The following RBFOX1 variants were observed in gnomAD, a reference collection of about 807,000 sequenced individuals.
RBFOX1 encodes RNA binding fox-1 homolog 1, also known as RNA binding protein fox-1 homolog 1.
RBFOX1 carries 8 observed loss-of-function variants against 57.7 expected under a neutral mutation model. That is an observed-to-expected ratio of 0.14 (90% CI 0.08 to 0.25). RBFOX1 has a LOEUF of 0.25. Among genes scored for constraint, RBFOX1 ranks in the 10% least tolerant of loss-of-function variants. The pLI, the probability that RBFOX1 is intolerant of heterozygous loss-of-function variation, is 1.00. For missense variants in RBFOX1, 611 were observed against 548.5 expected, an observed-to-expected ratio of 1.11 and a Z score of -1.14; for synonymous variants, 326 against 222.4, an observed-to-expected ratio of 1.47 and a Z score of -4.15.
rs190315043 is a variant in RBFOX1, at chr16:7,697,455, G to C, written c.996-11601G>C. ...TGAGGGCTTTGCTGAACTCTCCAAG[G>C]TGTAATAGTAACTTACTGTCATTTA... On this transcript the variant is annotated intron_variant, in intron 14 of 15. Coordinates refer to ENST00000550418, the MANE Select transcript of RBFOX1 (RefSeq NM_018723.4). 2.0e-5 allele frequency among the ~76,000 whole-genome samples: 3 copies of C among 152,042 alleles called. No individual in the cohort carries two copies. In the South Asian group the frequency reaches 6.2e-4, roughly 32 times the overall value.
At chr16:7,550,045 T>C (rs2152539378) in intron 5 of RBFOX1, among the ~76,000 whole-genome samples, 1 of 152,262 alleles carries the variant, frequency 6.6e-6, no homozygotes, top group East Asian at 1.9e-4. Context: ...TTGTCCCACC[T>C]CAGCCTCCCT....
At chr16:7,164,021 A>G (rs906210836) in intron 4 of RBFOX1, among the ~76,000 whole-genome samples, 1 of 152,132 alleles carries the variant, frequency 6.6e-6, no homozygotes, top group African/African-American at 2.4e-5. Flanking sequence ...GGTTACACGA[A>G]TAAGTTCTTT....
chr16:7,212,127 T>G (rs1012798311), intron 4 of RBFOX1, among the ~76,000 whole-genome samples: 23 of 151,932 alleles, frequency 1.5e-4, no homozygotes, highest in Non-Finnish European at 3.1e-4. Flanking sequence ...GGAAGGAAGG[T>G]GGATAGGATT....
intron 4 of RBFOX1, chr16:7,510,456 T>G: frequency 1.5e-6 from 1 of 655,660 alleles, no homozygotes; most frequent in Non-Finnish European, 1.9e-6. Flanking sequence ...AGAGGAGTTT[T>G]GGTGAAGAGA....
intron 4 of RBFOX1, among the ~76,000 whole-genome samples, chr16:7,075,626 G>C (rs1451768654): frequency 1.3e-5 from 2 of 151,956 alleles, no homozygotes; most frequent in Admixed American, 1.3e-4. Context: ...TGTTGCGCAG[G>C]CTGGAGTGCA....
intron 4 of RBFOX1, among the ~76,000 whole-genome samples, chr16:7,105,318 T>C (rs11644310): frequency 0.06 from 9,130 of 151,414 alleles, 487 homozygotes; most frequent in East Asian, 0.25. Flanking sequence ...GCTTCACCTA[T>C]TTTCTTTTTT....
chr16:6,643,658 C>G (rs550640508), intron 2 of RBFOX1, among the ~76,000 whole-genome samples: 1 of 152,096 alleles, frequency 6.6e-6, no homozygotes. Flanking sequence ...AAATACATAG[C>G]TCGTAGACCA....
At chr16:7,245,888 T>C (rs1464617363) in intron 4 of RBFOX1, among the ~76,000 whole-genome samples, 1 of 152,188 alleles carries the variant, frequency 6.6e-6, no homozygotes, top group African/African-American at 2.4e-5. Context: ...CCCTACAGTC[T>C]TGCAAATAGA....
chr16:7,654,017 T>G (rs1392437876), intron 12 of RBFOX1, 70 bp downstream of exon 12: 1 of 1,424,682 alleles, frequency 7.0e-7, no homozygotes, highest in Non-Finnish European at 9.2e-7. Flanking sequence ...CGGAGCTGTT[T>G]GCGAGCGCAT....
At chr16:6,525,802 G>C (rs1358426697) in intron 2 of RBFOX1, among the ~76,000 whole-genome samples, 1 of 152,036 alleles carries the variant, frequency 6.6e-6, no homozygotes, top group Non-Finnish European at 1.5e-5. Context: ...ATTCATGAGA[G>C]CTTTTCTCCC....
chr16:7,518,437 C>G, intron 5 of RBFOX1, 48 bp downstream of exon 5: 1 of 1,559,786 alleles, frequency 6.4e-7, no homozygotes, highest in African/African-American at 1.3e-5. Context: ...GGAGGCGCCC[C>G]CAGCCCTGGT....
chr16:6,136,177 T>C (rs1477402893), intron 1 of RBFOX1, among the ~76,000 whole-genome samples: 1 of 152,112 alleles, frequency 6.6e-6, no homozygotes, highest in East Asian at 1.9e-4. Flanking sequence ...TTAGAGGAAG[T>C]CTTCTGAAAG....
At chr16:6,873,310 C>T (rs2061275139) in intron 3 of RBFOX1, among the ~76,000 whole-genome samples, 1 of 152,022 alleles carries the variant, frequency 6.6e-6, no homozygotes, top group South Asian at 2.1e-4. Flanking sequence ...CCTTGAGCTT[C>T]CTTATGTTGG....
Position 6,000,885 on chromosome 16 carries a change from ATAGG to A in RBFOX1, c.351+133560_351+133563del, listed in dbSNP as rs367913767. Among the ~76,000 whole-genome samples, 576 of 86,774 alleles carry A rather than the reference ATAGG, an allele frequency of 6.6e-3. 5 individuals carry two copies. The highest frequency in any genetic ancestry group is 0.026 in the African/African-American group (557 of 21,824). The allele number at this position is 86,774 out of a possible 152,430, so 56.9% of individuals were successfully genotyped here. On this transcript the variant is annotated intron_variant, in intron 4 of 19. Transcript: ENST00000641259. ...GGTGGGTGGATGAATGGGTGGGTGG[ATAGG>A]TAGGTAGGTGGGTGGGTGGGCGGGT...
rs540493812 is a variant in RBFOX1, at chr16:6,671,904, C to G, written c.-16+17254C>G. On this transcript the variant is annotated intron_variant, in intron 3 of 15. Transcript: ENST00000550418. The stretch of plus-strand genomic sequence containing the variant: ...TTTACATTCACACTGCCTTTTCACA[C>G]GCCAAGTTGCCTTTAAAAACTGTTG... 3.9e-5 allele frequency among the ~76,000 whole-genome samples: 6 copies of G among 152,280 alleles called. No individual in the cohort carries two copies. The East Asian group carries it at 7.7e-4, about 20-fold the overall frequency.
chr16:5,310,925 T>C (rs573459119), intron 1 of RBFOX1, among the ~76,000 whole-genome samples: 1 of 152,138 alleles, frequency 6.6e-6, no homozygotes, highest in Non-Finnish European at 1.5e-5. Flanking sequence ...AAGTCTGAGA[T>C]TTTAGTGCAC....
intron 1 of RBFOX1, among the ~76,000 whole-genome samples, chr16:5,331,009 C>G (rs975394918): frequency 2.0e-5 from 3 of 152,106 alleles, no homozygotes; most frequent in African/African-American, 7.2e-5. Flanking sequence ...ATTTAAGTCA[C>G]CTTCTCTATA....
intron 4 of RBFOX1, among the ~76,000 whole-genome samples, chr16:7,424,588 G>C (rs2098589737): frequency 6.6e-6 from 1 of 152,154 alleles, no homozygotes; most frequent in Non-Finnish European, 1.5e-5. Context: ...TATTAAATAT[G>C]AGATTACTGG....
At chr16:6,483,472 G>T in intron 2 of RBFOX1, 1 of 1,535,750 alleles carries the variant, frequency 6.5e-7, no homozygotes, top group Non-Finnish European at 8.7e-7. Flanking sequence ...TTCCCGGTGA[G>T]GAAACAGGAG....
Sources: allele counts gnomAD v4.1 joint callset (sites outside exome capture counted in the v4.1 genomes callset), GRCh38; gene constraint gnomAD v4.1.1; transcripts MANE v1.5; gene names NCBI Gene and HGNC (gene_info 2026-07-23, HGNC 2026-07-21).